The following RIF1 variants were observed in gnomAD, a reference collection of about 807,000 sequenced individuals.
RIF1 encodes the protein replication timing regulatory factor 1.
Under a neutral mutation model 247.1 loss-of-function variants are expected in RIF1, and 45 were observed. The observed-to-expected ratio is 0.18, with a 90% CI of 0.14 to 0.23. RIF1 has a LOEUF of 0.23. Among genes scored for constraint, RIF1 ranks in the 10% least tolerant of loss-of-function variants. The pLI is 1.00. For missense variants in RIF1, 2,967 were observed against 2,862.5 expected (o/e 1.04, Z -0.83); for synonymous variants, 1,087 against 978.8 (o/e 1.11, Z -2.06).
rs752116424 is a variant in RIF1, at chr2:151,461,249, A to C, written c.3187A>C (p.Ile1063Leu). 7 of 1,613,306 alleles carry C rather than the reference A, an allele frequency of 4.3e-6. No individual in the cohort carries two copies. Among genetic ancestry groups the C allele is most frequent in the Non-Finnish European group, 5.9e-6 (7 of 1,179,816 alleles). Residue 1063 changes from isoleucine to leucine, a missense_variant, in exon 27 of 36, where the codon ATA (isoleucine) becomes CTA (leucine). Coordinates refer to ENST00000444746, the MANE Select transcript of RIF1 (RefSeq NM_018151.5). ...AGAAGGAAAAGATGCAAAGGAAAGA[A>C]TATTAACTGATCATCAAAAAGAAGT... ...PPEGKDAKER[I>L]LTDHQKEVLK...
At chr2:151,524,245 C>G in the RIF1 span, 1 of 1,352,466 alleles carries the variant, frequency 7.4e-7, no homozygotes, top group Non-Finnish European at 1.1e-6. Flanking sequence ...CTGGAAATCA[C>G]TTCTTCCTGC....
the RIF1 span, chr2:151,526,806 G>C: frequency 8.7e-6 from 7 of 805,978 alleles, no homozygotes; most frequent in South Asian, 6.1e-5. Context: ...ACCCATACCT[G>C]AGCCCTGATG....
intron 8 of RIF1, among the ~76,000 whole-genome samples, chr2:151,426,140 T>C (rs1289219013): frequency 6.6e-6 from 1 of 151,350 alleles, no homozygotes; most frequent in Non-Finnish European, 1.5e-5. Flanking sequence ...TCTGGTTTTA[T>C]TATTTTTCAG....
At chr2:151,527,334 A>C in the RIF1 span, 3 of 722,380 alleles carry the variant, frequency 4.2e-6, no homozygotes, top group East Asian at 8.2e-5. Flanking sequence ...GAGCTCGCCT[A>C]TCGCTCCCCC....
chr2:151,507,926 A>C, exon 14 of RIF1: 1 of 1,009,642 alleles, frequency 9.9e-7, no homozygotes, highest in Non-Finnish European at 1.5e-6. Context: ...CCCCACTGCA[A>C]GCCTGGGATA....
rs765669530 is a variant in RIF1, at chr2:151,437,344, T to C, written c.1476T>C (p.Asp492=). ...ATAGCTTTGTTGCAGTTGGAAAAGATGCCCCCGGTAAGAGAATTTGATTTA... is the reference window on the plus strand; with the variant it reads ...ATAGCTTTGTTGCAGTTGGAAAAGACGCCCCCGGTAAGAGAATTTGATTTA... The part of the protein sequence containing the change: ...VHDSFVAVGK[D]APDVVVSAIW... The change falls in exon 13 of 36, where the codon GAT becomes GAC. Residue 492 remains aspartate, a synonymous_variant. Coordinates refer to ENST00000444746, the MANE Select transcript of RIF1 (RefSeq NM_018151.5). The C allele has an allele frequency of 2.5e-6, 4 of 1,606,956 alleles. No homozygotes were observed. In the East Asian group the frequency reaches 8.9e-5, roughly 36 times the overall value.
intron 9 of RIF1, chr2:151,493,239 T>C: frequency 2.4e-6 from 2 of 836,736 alleles, no homozygotes; most frequent in Admixed American, 2.6e-5. Context: ...GTTGCATTTT[T>C]CTCTTTTAAA....
At chr2:151,501,790 T>C (rs2064788265) in intron 11 of RIF1, among the ~76,000 whole-genome samples, 1 of 151,958 alleles carries the variant, frequency 6.6e-6, no homozygotes, top group Admixed American at 6.6e-5. Flanking sequence ...GAAATTAATA[T>C]CCATGAGTTG....
chr2:151,443,834 G>C, intron 18 of RIF1, 125 bp downstream of exon 18: 1 of 552,598 alleles, frequency 1.8e-6, no homozygotes, highest in Non-Finnish European at 3.0e-6. Flanking sequence ...GGTGGAATTG[G>C]TAAACGTTGT....
At chr2:151,436,806 C>CTTTTTTTTTTTTTTTTTTT in intron 11 of RIF1, 21 bp from the exon 12 acceptor site, 1 of 1,222,946 alleles carries the variant, frequency 8.2e-7, no homozygotes. Flanking sequence ...TGACTTAACT[C>CTTTTTTTTTTTTTTTTTTT]TTTTTTTTTT....
In RIF1 at chr2:151,415,792, G is replaced by A. The variant is rs76021809; in HGVS notation, c.281-769G>A. Among the ~76,000 whole-genome samples the A allele has an allele frequency of 9.9e-5, 15 of 152,050 alleles. No homozygotes were observed. The East Asian group carries it at 2.5e-3, about 26-fold the overall frequency. ...CTCGGGAGGCTGAGGCAGGAGAATC[G>A]CTTGAACCTGGGAGATGGAGGTTGC... On this transcript the variant is annotated intron_variant, in intron 4 of 35. Coordinates refer to ENST00000444746, the MANE Select transcript of RIF1 (RefSeq NM_018151.5).
the RIF1 span, chr2:151,527,560 G>T: frequency 3.7e-6 from 6 of 1,612,784 alleles, no homozygotes; most frequent in East Asian, 1.3e-4. Context: ...GGCTTTGTTG[G>T]CTTCGTACTG....
chr2:151,460,885 T>C, intron 26 of RIF1, among the ~76,000 whole-genome samples: 1 of 152,314 alleles, frequency 6.6e-6, no homozygotes. Context: ...ACAGACGGTT[T>C]TGTCCATACT....
intron 2 of RIF1, 78 bp from the exon 3 acceptor site, chr2:151,411,182 A>G: frequency 2.3e-6 from 2 of 885,964 alleles, no homozygotes; most frequent in Non-Finnish European, 3.6e-6. Flanking sequence ...ATTTTTAAAA[A>G]GATTGTACAT....
intron 16 of RIF1, 57 bp downstream of exon 16, chr2:151,442,048 T>TTTTTGTTTTATTTTATTTTATTTTA (rs138147981): frequency 3.8e-5 from 9 of 237,780 alleles, no homozygotes; most frequent in Middle Eastern, 1.5e-3. Flanking sequence ...ATACTTCCCT[T>TTTTTGTTTTATTTTATTTTATTTTA]TTTTATTTTA....
intron 10 of RIF1, chr2:151,497,644 A>T: frequency 6.3e-7 from 1 of 1,578,482 alleles, no homozygotes; most frequent in Non-Finnish European, 8.6e-7. Flanking sequence ...TATTTTCTTG[A>T]TTGTGTTTGA....
Position 151,464,446 on chromosome 2 carries a change from T to C in RIF1, c.4926T>C (p.Val1642=), listed in dbSNP as rs1355019751. 6.2e-7 allele frequency: 1 copy of C among 1,613,636 alleles called. No homozygotes were observed. The highest frequency in any genetic ancestry group is 1.1e-5 in the South Asian group (1 of 90,872). ...CAGTAACTTCAGATTTGTTGCAAGTTCCTGATGATTTACCAAATGTGTGTG... is the reference window on the plus strand; with the variant it reads ...CAGTAACTTCAGATTTGTTGCAAGTCCCTGATGATTTACCAAATGTGTGTG... ...DSTVTSDLLQ[V]PDDLPNVCEE... Residue 1642 remains valine (V), a synonymous_variant, in exon 30 of 36, where the codon GTT becomes GTC. Transcript: ENST00000444746.
chr2:151,422,022 G>C (rs1688265668), intron 7 of RIF1, among the ~76,000 whole-genome samples: 1 of 151,394 alleles, frequency 6.6e-6, no homozygotes, highest in Non-Finnish European at 1.5e-5. Flanking sequence ...AGTAGAGATG[G>C]GGTTTCACCA....
At chr2:151,438,767 C>T in intron 14 of RIF1, 21 bp downstream of exon 14, 1 of 1,540,126 alleles carries the variant, frequency 6.5e-7, no homozygotes, top group Non-Finnish European at 9.0e-7. Flanking sequence ...TTACACTGAT[C>T]AAATGTTGTT....
Sources: gnomAD v4.1 joint callset for allele counts (sites outside exome capture counted in the v4.1 genomes callset) on GRCh38, gnomAD v4.1.1 for gene constraint, MANE v1.5 for transcripts, NCBI Gene and HGNC (gene_info 2026-07-23, HGNC 2026-07-21) for gene names.